The following CHST8 variants were observed in gnomAD, a reference collection of about 807,000 sequenced individuals.
The protein encoded by CHST8 is GALNAC-4-ST1.
In CHST8, 10 loss-of-function variants were observed where a neutral mutation model predicts 15.0. The ratio of observed to expected loss-of-function variants is 0.67; its 90% CI spans 0.41 to 1.13. CHST8 has a LOEUF of 1.13. Ranked by LOEUF, CHST8 falls within the 50% of genes most tolerant of loss-of-function variation. The probability of loss-of-function intolerance (pLI) is 0.00; values close to 1 mark genes in which losing one functional copy is unlikely to be tolerated. For synonymous variants in CHST8, 259 were observed against 256.6 expected (o/e 1.01, Z -0.09); for missense variants, 634 against 608.2 (o/e 1.04, Z -0.45).
At chr19:33,764,344 A>T (rs1974790568) in intron 3 of CHST8, among the ~76,000 whole-genome samples, 1 of 152,144 alleles carries the variant, frequency 6.6e-6, no homozygotes, top group South Asian at 2.1e-4. Flanking sequence ...CCCTGTCTTC[A>T]GAACATCCAG....
chr19:33,711,832 C>T (rs540468940), intron 3 of CHST8, among the ~76,000 whole-genome samples: 2 of 152,056 alleles, frequency 1.3e-5, no homozygotes, highest in South Asian at 2.1e-4. Context: ...GGGGTTTCAC[C>T]ATGTTGGCCA....
chr19:33,657,154 CACAA>C (rs1302926551), intron 1 of CHST8, among the ~76,000 whole-genome samples: 111 of 146,750 alleles, frequency 7.6e-4, no homozygotes, highest in African/African-American at 2.5e-3. Flanking sequence ...CACACACACA[CACAA>C]ACACACATAT....
At chr19:33,729,000 A>G (rs1973950358) in intron 3 of CHST8, among the ~76,000 whole-genome samples, 1 of 152,220 alleles carries the variant, frequency 6.6e-6, no homozygotes, top group Non-Finnish European at 1.5e-5. Context: ...AAGAGCATCT[A>G]GGGCATGTTG....
intron 1 of CHST8, among the ~76,000 whole-genome samples, chr19:33,631,294 G>A (rs1236693914): frequency 6.6e-6 from 1 of 152,034 alleles, no homozygotes; most frequent in Non-Finnish European, 1.5e-5. Flanking sequence ...TAGACATCTG[G>A]GTCTGATTTG....
chr19:33,748,179 G>A (rs1974348959), intron 3 of CHST8, among the ~76,000 whole-genome samples: 1 of 152,234 alleles, frequency 6.6e-6, no homozygotes, highest in Non-Finnish European at 1.5e-5. Flanking sequence ...CAATAGTCAT[G>A]TAGCTATGCC....
intron 3 of CHST8, among the ~76,000 whole-genome samples, chr19:33,766,135 CCT>C (rs960577891): frequency 1.3e-5 from 2 of 151,580 alleles, no homozygotes; most frequent in Non-Finnish European, 2.9e-5. Context: ...CTCGCTCTCT[CCT>C]CTCTCTCTCT....
chr19:33,659,691 T>G (rs937506853), intron 1 of CHST8, among the ~76,000 whole-genome samples: 8 of 151,848 alleles, frequency 5.3e-5, no homozygotes, highest in Non-Finnish European at 4.4e-5. Context: ...GTGCCTGAAA[T>G]CCCAGCTACT....
intron 1 of CHST8, among the ~76,000 whole-genome samples, chr19:33,637,053 A>AG (rs1489804311): frequency 6.6e-6 from 1 of 152,172 alleles, no homozygotes; most frequent in Non-Finnish European, 1.5e-5. Context: ...TAGACCATAG[A>AG]GGGTAACTTC....
intron 3 of CHST8, among the ~76,000 whole-genome samples, chr19:33,742,267 TTG>T (rs1974208448): frequency 6.6e-6 from 1 of 152,182 alleles, no homozygotes; most frequent in Admixed American, 6.5e-5. Context: ...TTAGTTTGCA[TTG>T]TGTTTCTATA....
intron 1 of CHST8, among the ~76,000 whole-genome samples, chr19:33,652,372 C>CTTTT (rs971053736): frequency 1.4e-3 from 138 of 100,544 alleles, no homozygotes; most frequent in Non-Finnish European, 1.8e-3. Context: ...TTTTCTCTCT[C>CTTTT]TTTTTTTTTT....
At chr19:33,673,067 G>A (rs550590450) in intron 2 of CHST8, among the ~76,000 whole-genome samples, 1 of 152,324 alleles carries the variant, frequency 6.6e-6, no homozygotes, top group African/African-American at 2.4e-5. Context: ...TAGCCAGAAG[G>A]AGTAGGAGTC....
chr19:33,677,989 T>C (rs953833812), intron 2 of CHST8, among the ~76,000 whole-genome samples: 10 of 152,058 alleles, frequency 6.6e-5, no homozygotes, highest in Non-Finnish European at 1.3e-4. Context: ...TGGGGAGCTG[T>C]CCAGGCTACA....
chr19:33,627,556 C>T (rs998112443), intron 1 of CHST8, among the ~76,000 whole-genome samples: 4 of 152,204 alleles, frequency 2.6e-5, no homozygotes, highest in African/African-American at 9.7e-5. Flanking sequence ...CATCCGCACT[C>T]CGCACGTAGA....
chr19:33,731,703 AACGCCTTTGACAG>A (rs1211137608), intron 3 of CHST8, among the ~76,000 whole-genome samples: 1 of 152,158 alleles, frequency 6.6e-6, no homozygotes, highest in Non-Finnish European at 1.5e-5. Flanking sequence ...CTCTAGTTCA[AACGCCTTTGACAG>A]ATGTGTTTTC....
chr19:33,697,641 G>T (rs552807122), intron 3 of CHST8, among the ~76,000 whole-genome samples: 94 of 152,350 alleles, frequency 6.2e-4, no homozygotes, highest in African/African-American at 2.1e-3. Context: ...CGCAGCTTCT[G>T]GGCTTCAGAG....
chr19:33,668,833 C>T (rs890709960), intron 2 of CHST8, among the ~76,000 whole-genome samples: 7 of 152,104 alleles, frequency 4.6e-5, no homozygotes, highest in East Asian at 1.9e-4. Flanking sequence ...TATGGACTCT[C>T]GTGCGTGTGT....
At chr19:33,729,591 G>A (rs1047731196) in intron 3 of CHST8, among the ~76,000 whole-genome samples, 1 of 152,222 alleles carries the variant, frequency 6.6e-6, no homozygotes, top group African/African-American at 2.4e-5. Context: ...GCCTGCCGCA[G>A]GTGAGGTATG....
intron 3 of CHST8, among the ~76,000 whole-genome samples, chr19:33,762,112 G>A (rs111462848): frequency 1.3e-5 from 2 of 152,248 alleles, no homozygotes; most frequent in East Asian, 3.9e-4. Flanking sequence ...ACATGCACAT[G>A]TGTAAGGGGT....
At chr19:33,651,043 T>G (rs1393922855) in intron 1 of CHST8, among the ~76,000 whole-genome samples, 1 of 152,222 alleles carries the variant, frequency 6.6e-6, no homozygotes, top group East Asian at 1.9e-4. Context: ...TTTTATCTTG[T>G]TCTGTGGGTT....
Sources: allele counts gnomAD v4.1 joint callset (sites outside exome capture counted in the v4.1 genomes callset), GRCh38; gene constraint gnomAD v4.1.1; transcripts MANE v1.5; gene names NCBI Gene and HGNC (gene_info 2026-07-23, HGNC 2026-07-21).